Variants in EGFR observed in about 807,000 individuals in gnomAD.
EGFR encodes the protein epidermal growth factor receptor, also known as avian erythroblastic leukemia viral (v-erb-b) oncogene homolog.
Under a neutral mutation model 143.0 loss-of-function variants are expected in EGFR, and 58 were observed. That is an observed-to-expected ratio of 0.41 (90% CI 0.33 to 0.50). EGFR has a LOEUF of 0.50. EGFR is among the 20% of genes least tolerant of loss of function. The pLI is 0.39. For missense variants in EGFR, 1,307 were observed against 1,579.0 expected (o/e 0.83, Z 2.92); for synonymous variants, 613 against 594.4 (o/e 1.03, Z -0.45).
chr7:55,057,598 T>C (rs966551814), intron 1 of EGFR, among the ~76,000 whole-genome samples: 5 of 152,268 alleles, frequency 3.3e-5, no homozygotes, highest in African/African-American at 1.2e-4. Context: ...TTTGACTTCA[T>C]GTTGAATCAA....
At chr7:55,120,136 G>A (rs1793112133) in intron 1 of EGFR, among the ~76,000 whole-genome samples, 1 of 152,206 alleles carries the variant, frequency 6.6e-6, no homozygotes, top group Admixed American at 6.5e-5. Context: ...CAGTGTTTCT[G>A]TTGCATCGCT....
chr7:55,042,783 G>A (rs1015844561), intron 1 of EGFR, among the ~76,000 whole-genome samples: 5 of 152,198 alleles, frequency 3.3e-5, no homozygotes, highest in Admixed American at 1.3e-4. Context: ...CTGGAGATGC[G>A]TATTGTCTTG....
intron 1 of EGFR, among the ~76,000 whole-genome samples, chr7:55,073,004 T>A (rs530719508): frequency 1.3e-5 from 2 of 152,352 alleles, no homozygotes; most frequent in South Asian, 4.1e-4. Flanking sequence ...AGATAAGGAA[T>A]TCTCAGGCTT....
chr7:55,109,622 C>CA, intron 1 of EGFR: 1 of 460,454 alleles, frequency 2.2e-6, no homozygotes, highest in Non-Finnish European at 2.9e-6. Flanking sequence ...CATTGCTAGT[C>CA]AGAATATTAC....
chr7:55,127,456 C>G (rs997557639), intron 1 of EGFR, among the ~76,000 whole-genome samples: 1 of 151,912 alleles, frequency 6.6e-6, no homozygotes, highest in African/African-American at 2.4e-5. Flanking sequence ...TCCTTCCCAC[C>G]CCCTCACCCC....
At chr7:55,145,754 T>C (rs2128928841) in intron 3 of EGFR, among the ~76,000 whole-genome samples, 1 of 152,328 alleles carries the variant, frequency 6.6e-6, no homozygotes, top group South Asian at 2.1e-4. Context: ...ATAGTGCTTA[T>C]AAATCAGCCA....
At chr7:55,022,709 A>G (rs149570370) in intron 1 of EGFR, among the ~76,000 whole-genome samples, 17 of 152,352 alleles carry the variant, frequency 1.1e-4, no homozygotes, top group Non-Finnish European at 1.9e-4. Context: ...CTGCCGTAGC[A>G]CAGAATACAA....
intron 1 of EGFR, among the ~76,000 whole-genome samples, chr7:55,060,177 A>C (rs565322178): frequency 5.9e-5 from 9 of 152,370 alleles, no homozygotes; most frequent in Non-Finnish European, 1.0e-4. Context: ...TCCCAAGTGT[A>C]CAGTTTTATA....
At chr7:55,130,618 TC>T (rs1308838311) in intron 1 of EGFR, among the ~76,000 whole-genome samples, 1 of 152,176 alleles carries the variant, frequency 6.6e-6, no homozygotes, top group Non-Finnish European at 1.5e-5. Context: ...AGAAGAGGGC[TC>T]ATTTTAAAAC....
At chr7:55,187,688 A>G (rs1787201601) in intron 20 of EGFR, among the ~76,000 whole-genome samples, 1 of 152,226 alleles carries the variant, frequency 6.6e-6, no homozygotes, top group Non-Finnish European at 1.5e-5. Context: ...TGAGATCTGG[A>G]GTCCAGAGAC....
chr7:55,104,905 A>T (rs1792041224), intron 1 of EGFR, among the ~76,000 whole-genome samples: 1 of 152,264 alleles, frequency 6.6e-6, no homozygotes, highest in South Asian at 2.1e-4. Context: ...TCCAATGCAG[A>T]TCAGCTGCAC....
In EGFR at chr7:55,161,482, C is replaced by T. The variant is rs1785698948; in HGVS notation, c.1499-17C>T. On this transcript the variant is annotated splice_polypyrimidine_tract_variant and intron_variant, in intron 12 of 27. Coordinates refer to ENST00000275493, the MANE Select transcript of EGFR (RefSeq NM_005228.5). ...CTGCTCTGTCACTGACTGCTGTGAC[C>T]CACTCTGTCTCCGCAGAGGCCACAG... 3 of 1,612,174 alleles carry T rather than the reference C, an allele frequency of 1.9e-6. No individual in the cohort carries two copies. The African/African-American group carries it at 4.0e-5, about 22-fold the overall frequency.
chr7:55,194,735 G>C (rs1230981032), intron 22 of EGFR, among the ~76,000 whole-genome samples: 2 of 152,204 alleles, frequency 1.3e-5, no homozygotes, highest in Non-Finnish European at 2.9e-5. Flanking sequence ...CAGTGGCTTA[G>C]TGCCTTGATG....
chr7:55,189,425 A>ATCATTCAT lies in EGFR; in HGVS notation c.2470-2286_2470-2279dup, dbSNP rs10631266. ...GTCAGCTGCTATCACCAGTCATTCAATCATTCATTCATTCAGTTGTTCATT... is the reference window on the plus strand; with the variant it reads ...GTCAGCTGCTATCACCAGTCATTCAATCATTCATTCATTCATTCATTCAGTTGTTCATT... On this transcript the variant is annotated intron_variant, in intron 20 of 27. Transcript: ENST00000275493. Among the ~76,000 whole-genome samples, 784 of 151,712 alleles carry ATCATTCAT rather than the reference A, an allele frequency of 5.2e-3. 8 individuals carry two copies. Among genetic ancestry groups the ATCATTCAT allele is most frequent in the South Asian group, 0.024 (117 of 4,812 alleles).
intron 1 of EGFR, chr7:55,119,123 C>T (rs968395002): frequency 4.5e-4 from 68 of 152,286 alleles, no homozygotes; most frequent in African/African-American, 1.3e-3. Flanking sequence ...TTTTCTAATA[C>T]ATCTGATCTG....
chr7:55,142,466 T>C lies in EGFR; in HGVS notation c.240+29T>C, dbSNP rs780215578. 2.5e-6 allele frequency: 4 copies of C among 1,612,250 alleles called. No individual in the cohort carries two copies. The South Asian group carries it at 4.4e-5, about 18-fold the overall frequency. ...GGTGACTTTGATTTTCCTACACAAA[T>C]AAAATTGGAGAAAATCTAAGTGGAG... On this transcript the variant is annotated intron_variant, in intron 2 of 27. Coordinates refer to ENST00000275493, the MANE Select transcript of EGFR (RefSeq NM_005228.5).
At chr7:55,113,987 C>T (rs1175559053) in intron 1 of EGFR, among the ~76,000 whole-genome samples, 2 of 152,218 alleles carry the variant, frequency 1.3e-5, no homozygotes, top group Admixed American at 1.3e-4. Context: ...GTGACTCTAA[C>T]TTGTGGCCAG....
At chr7:55,032,597 T>G (rs2128864102) in intron 1 of EGFR, among the ~76,000 whole-genome samples, 1 of 152,310 alleles carries the variant, frequency 6.6e-6, no homozygotes, top group Non-Finnish European at 1.5e-5. Context: ...CAGCTAGCTT[T>G]GCTGGCTGGT....
intron 1 of EGFR, among the ~76,000 whole-genome samples, chr7:55,128,214 AGACACTTCT>A (rs1396629612): frequency 6.6e-6 from 1 of 152,244 alleles, no homozygotes; most frequent in Non-Finnish European, 1.5e-5. Context: ...TGCATTTGAA[AGACACTTCT>A]GCTGATCAAA....
Sources: gnomAD v4.1 joint callset for allele counts (sites outside exome capture counted in the v4.1 genomes callset) on GRCh38, gnomAD v4.1.1 for gene constraint, MANE v1.5 for transcripts, NCBI Gene and HGNC (gene_info 2026-07-23, HGNC 2026-07-21) for gene names.